KCNB2: variants seen among roughly 807,000 people sequenced by gnomAD.
KCNB2 encodes the protein potassium voltage-gated channel subfamily B member 2.
KCNB2 carries 15 observed loss-of-function variants against 61.5 expected under a neutral mutation model. That is an observed-to-expected ratio of 0.24 (90% CI 0.16 to 0.38). The LOEUF (loss-of-function observed/expected upper bound fraction) is 0.38. KCNB2 is among the 10% of genes least tolerant of loss of function. The pLI is 1.00. For missense variants in KCNB2, 828 were observed against 1,125.2 expected (o/e 0.74, Z 3.78); for synonymous variants, 457 against 446.0 (o/e 1.02, Z -0.31).
chr8:72,847,436 C>A (rs898369836), intron 2 of KCNB2, among the ~76,000 whole-genome samples: 3 of 152,192 alleles, frequency 2.0e-5, no homozygotes, highest in African/African-American at 7.2e-5. Context: ...GCAAACAGTG[C>A]TTCTACAAAC....
At chr8:72,783,150 T>C (rs574895961) in intron 2 of KCNB2, among the ~76,000 whole-genome samples, 12 of 152,300 alleles carry the variant, frequency 7.9e-5, no homozygotes, top group Admixed American at 5.2e-4. Context: ...TTGTTTCCAC[T>C]TCACAAGAAA....
intron 2 of KCNB2, among the ~76,000 whole-genome samples, chr8:72,585,313 A>G (rs1806986603): frequency 6.6e-6 from 1 of 152,222 alleles, no homozygotes; most frequent in African/African-American, 2.4e-5. Context: ...ATAAGTTGAT[A>G]CAATTTTCTT....
intron 2 of KCNB2, among the ~76,000 whole-genome samples, chr8:72,874,435 A>G (rs1805671190): frequency 6.6e-6 from 1 of 152,160 alleles, no homozygotes; most frequent in Non-Finnish European, 1.5e-5. Flanking sequence ...CTGGACAGTC[A>G]GTGAGTCTGC....
chr8:72,814,880 A>G (rs1809366810), intron 2 of KCNB2, among the ~76,000 whole-genome samples: 1 of 152,198 alleles, frequency 6.6e-6, no homozygotes, highest in African/African-American at 2.4e-5. Flanking sequence ...TTTGAATTAC[A>G]GAGAAAACAG....
At chr8:72,706,691 A>G (rs1284230604) in intron 2 of KCNB2, among the ~76,000 whole-genome samples, 3 of 152,250 alleles carry the variant, frequency 2.0e-5, no homozygotes, top group African/African-American at 4.8e-5. Flanking sequence ...TGTCTCACAT[A>G]TAATAAAAAA....
chr8:72,747,187 G>A (rs1014520912), intron 2 of KCNB2, among the ~76,000 whole-genome samples: 2 of 152,172 alleles, frequency 1.3e-5, no homozygotes, highest in Non-Finnish European at 1.5e-5. Context: ...AGAAAAAGGA[G>A]CAGAAGCCAC....
At chr8:72,855,354 G>C (rs1221278004) in intron 2 of KCNB2, among the ~76,000 whole-genome samples, 19 of 152,088 alleles carry the variant, frequency 1.2e-4, no homozygotes, top group Admixed American at 1.2e-3. Flanking sequence ...AGAAATTCCA[G>C]ACAGCTTTTG....
At chr8:72,538,558 A>G (rs1364208676) in intron 1 of KCNB2, among the ~76,000 whole-genome samples, 1 of 152,210 alleles carries the variant, frequency 6.6e-6, no homozygotes, top group Non-Finnish European at 1.5e-5. Flanking sequence ...TCAGTGTGCA[A>G]TATGCACAAA....
intron 2 of KCNB2, among the ~76,000 whole-genome samples, chr8:72,803,885 G>A (rs982922874): frequency 1.3e-5 from 2 of 152,170 alleles, no homozygotes; most frequent in Non-Finnish European, 2.9e-5. Flanking sequence ...GCCTGACCTT[G>A]GGCAATAGCT....
At chr8:72,899,199 A>T (rs1438759050) in intron 2 of KCNB2, among the ~76,000 whole-genome samples, 2 of 152,190 alleles carry the variant, frequency 1.3e-5, no homozygotes, top group Non-Finnish European at 1.5e-5. Flanking sequence ...ATATCCCTTC[A>T]TGATAAAAAC....
At chr8:72,931,180 A>G (rs1370782828) in intron 2 of KCNB2, among the ~76,000 whole-genome samples, 3 of 152,264 alleles carry the variant, frequency 2.0e-5, no homozygotes, top group South Asian at 2.1e-4. Flanking sequence ...TACCAGTACC[A>G]TGCTGTTTTG....
At chr8:72,898,080 T>C (rs1226116704) in intron 2 of KCNB2, among the ~76,000 whole-genome samples, 3 of 152,170 alleles carry the variant, frequency 2.0e-5, no homozygotes, top group African/African-American at 7.2e-5. Context: ...GTTTCATACT[T>C]CAAAGTCTGT....
intron 2 of KCNB2, among the ~76,000 whole-genome samples, chr8:72,928,378 T>C (rs118021294): frequency 0.093 from 14,155 of 151,938 alleles, 849 homozygotes; most frequent in Middle Eastern, 0.15. Context: ...TATTTTTTGG[T>C]AGAGACAAGA....
At chr8:72,565,386 T>G (rs1806608575) in intron 1 of KCNB2, among the ~76,000 whole-genome samples, 1 of 152,162 alleles carries the variant, frequency 6.6e-6, no homozygotes, top group African/African-American at 2.4e-5. Context: ...GAGTTCTAAT[T>G]ATAAGGACCT....
At chr8:72,903,049 C>T (rs7840851) in intron 2 of KCNB2, among the ~76,000 whole-genome samples, 131,149 of 152,194 alleles carry the variant, frequency 0.86, 57,355 homozygotes, top group Middle Eastern at 0.95. Context: ...TCTTTGAGTA[C>T]GGAATTTGAA....
At chr8:72,790,163 G>T (rs368211603) in intron 2 of KCNB2, among the ~76,000 whole-genome samples, 1 of 152,186 alleles carries the variant, frequency 6.6e-6, no homozygotes, top group Non-Finnish European at 1.5e-5. Flanking sequence ...GGAAGCCCAG[G>T]GAAAGAAGTC....
chr8:72,573,112 G>T (rs1056034140), intron 2 of KCNB2, among the ~76,000 whole-genome samples: 1 of 152,028 alleles, frequency 6.6e-6, no homozygotes, highest in Non-Finnish European at 1.5e-5. Context: ...TTGAGAACTA[G>T]TCCCCTATTC....
chr8:72,931,013 A>T (rs1347417670), intron 2 of KCNB2, among the ~76,000 whole-genome samples: 5 of 152,290 alleles, frequency 3.3e-5, no homozygotes, highest in East Asian at 1.9e-4. Context: ...GCTTTCTACT[A>T]ATGGCTAGCC....
chr8:72,619,463 C>T (rs778769854), intron 2 of KCNB2: 34 of 268,262 alleles, frequency 1.3e-4, no homozygotes, highest in Non-Finnish European at 1.9e-4. Flanking sequence ...ATCTCTAATT[C>T]GTAGGTTCAC....
Sources: allele counts gnomAD v4.1 joint callset (sites outside exome capture counted in the v4.1 genomes callset), GRCh38; gene constraint gnomAD v4.1.1; transcripts MANE v1.5; gene names NCBI Gene and HGNC (gene_info 2026-07-23, HGNC 2026-07-21).